Variants in RAD52 observed in about 807,000 individuals in gnomAD.
RAD52 encodes the protein RAD52 DNA repair protein.
A neutral mutation model predicts 55.5 loss-of-function variants in RAD52; 47 were observed. The observed-to-expected ratio is 0.85, with a 90% CI of 0.67 to 1.08. The LOEUF (loss-of-function observed/expected upper bound fraction) is 1.08, where lower values mean the gene tolerates loss of function less well. Ranked by LOEUF, RAD52 falls within the 50% of genes least tolerant of loss-of-function variation. The pLI, the probability that RAD52 is intolerant of heterozygous loss-of-function variation, is 0.00. For synonymous variants in RAD52, 184 were observed against 198.9 expected, an observed-to-expected ratio of 0.92 and a Z score of 0.63; for missense variants, 468 against 522.8, an observed-to-expected ratio of 0.90 and a Z score of 1.02.
Position 931,228 on chromosome 12 carries a change from C to G in RAD52, c.178G>C (p.Gly60Arg). Residue 60 changes from glycine to arginine, a missense_variant, in exon 3 of 12, where the codon GGC becomes CGC. Physicochemically the swap from Gly to Arg is moderately radical, Grantham distance 125. Transcript: ENST00000358495. Reference sequence around the variant, plus strand: ...CACATGAATTCTCCTACCTTCTGGCCTCCGCCAGCCATGCGGCTACTTATG... The same window carrying G: ...CACATGAATTCTCCTACCTTCTGGCGTCCGCCAGCCATGCGGCTACTTATG... Reference protein sequence around the residue: ...EYISSRMAGGGQKVCYIEGHR... With the variant: ...EYISSRMAGGRQKVCYIEGHR... 6.2e-7 allele frequency: 1 copy of G among 1,611,942 alleles called. No homozygotes were observed. The highest frequency in any genetic ancestry group is 8.5e-7 in the Non-Finnish European group (1 of 1,179,444).
chr12:938,761 G>T (rs1957762701), intron 1 of RAD52, among the ~76,000 whole-genome samples: 1 of 152,132 alleles, frequency 6.6e-6, no homozygotes, highest in Non-Finnish European at 1.5e-5. Flanking sequence ...TGAAATTTCG[G>T]ATCAGGGATA....
chr12:927,297 G>A lies in RAD52; in HGVS notation c.349-34C>T, dbSNP rs11571442. ...AGAAAAGGAGTTTGAACTCAAACAC[G>A]AGAGCGGCAGGCGTGCCACAACTCC... is the stretch of plus-strand genomic sequence containing the variant. On this transcript the variant is annotated intron_variant, in intron 5 of 11. Transcript: ENST00000358495. 6.1e-4 allele frequency: 903 copies of A among 1,491,594 alleles called. 4 individuals carry two copies. In the African/African-American group the frequency reaches 0.011, roughly 18 times the overall value. The allele number at this position is 1,491,594 out of a possible 1,614,324, so 92.4% of individuals were successfully genotyped here.
chr12:923,821 G>A (rs1037319761), intron 7 of RAD52, among the ~76,000 whole-genome samples: 3 of 151,882 alleles, frequency 2.0e-5, no homozygotes, highest in Admixed American at 6.6e-5. Context: ...ACTTTCGGAG[G>A]CCGAGGCAGG....
At chr12:951,030 G>C (rs542629354), upstream of RAD52, among the ~76,000 whole-genome samples, 2 of 152,214 alleles carry the variant, frequency 1.3e-5, no homozygotes, top group Admixed American at 1.3e-4. Context: ...GGGATTACAG[G>C]TGTGAGCCAC....
At position 966,645 on chromosome 12, in the gene RAD52, T is replaced by C. The variant is rs1958774672; in HGVS notation, c.-19+23164A>G. Among the ~76,000 whole-genome samples the C allele has an allele frequency of 2.0e-5, 3 of 152,072 alleles. No homozygotes were observed. In the South Asian group the frequency reaches 6.2e-4, roughly 31 times the overall value. On this transcript the variant is annotated intron_variant, in intron 1 of 11. Transcript: ENST00000430095. ...TACATCAACTTTTTCCCTTTTTTCC[T>C]AATTTGCTGTCAGTCATTCTTGATT...
intron 1 of RAD52, among the ~76,000 whole-genome samples, chr12:979,273 C>G (rs1479757733): frequency 2.0e-5 from 3 of 152,114 alleles, no homozygotes; most frequent in Non-Finnish European, 2.9e-5. Context: ...AACCCCGTCT[C>G]TACTAAACAT....
intron 1 of RAD52, among the ~76,000 whole-genome samples, chr12:958,252 G>A (rs2154120498): frequency 6.6e-6 from 1 of 152,268 alleles, no homozygotes; most frequent in African/African-American, 2.4e-5. Context: ...TTTCGCTTTT[G>A]TCGCCCAGGC....
chr12:989,563 AAAAT>A (rs773758343), intron 1 of RAD52, among the ~76,000 whole-genome samples: 27 of 152,230 alleles, frequency 1.8e-4, no homozygotes, highest in Non-Finnish European at 3.4e-4. Context: ...GTGGTGGCAA[AAAAT>A]AAAAAACAAA....
chr12:937,512 A>G (rs953493400), intron 1 of RAD52, among the ~76,000 whole-genome samples: 1 of 150,222 alleles, frequency 6.7e-6, no homozygotes, highest in Non-Finnish European at 1.5e-5. Context: ...TGCAACCTAC[A>G]CCTCCCAGAT....
At chr12:938,721 T>C (rs1957760686) in intron 1 of RAD52, among the ~76,000 whole-genome samples, 1 of 152,106 alleles carries the variant, frequency 6.6e-6, no homozygotes, top group African/African-American at 2.4e-5. Context: ...TTAAGAGGCA[T>C]GACAACTAAA....
At chr12:944,143 A>C (rs1021647196) in intron 1 of RAD52, among the ~76,000 whole-genome samples, 8 of 152,032 alleles carry the variant, frequency 5.3e-5, no homozygotes, top group African/African-American at 1.4e-4. Context: ...TTCAGCCTGG[A>C]AGGTAGAGGC....
chr12:949,963 C>T (rs1020791602), upstream of RAD52, among the ~76,000 whole-genome samples: 1 of 152,190 alleles, frequency 6.6e-6, no homozygotes, highest in Admixed American at 6.5e-5. Context: ...CGGATCTCTG[C>T]TGCCCCCTGG....
chr12:980,196 C>T (rs552783187), intron 1 of RAD52, among the ~76,000 whole-genome samples: 130 of 145,570 alleles, frequency 8.9e-4, no homozygotes, highest in Admixed American at 1.4e-3. Context: ...TCTTGGCCAG[C>T]GGGGGGTGGA....
chr12:948,969 G>A (rs1024920756), intron 1 of RAD52, among the ~76,000 whole-genome samples: 1 of 152,184 alleles, frequency 6.6e-6, no homozygotes, highest in African/African-American at 2.4e-5. Flanking sequence ...AAAGTTCTGG[G>A]ATTACAGGTG....
At chr12:932,904 C>G in intron 2 of RAD52, 71 bp downstream of exon 2, 1 of 1,423,976 alleles carries the variant, frequency 7.0e-7, no homozygotes, top group South Asian at 1.2e-5. Flanking sequence ...CTACGATGCT[C>G]TACAAACTGC....
At chr12:985,990 A>C (rs1052431538) in intron 1 of RAD52, among the ~76,000 whole-genome samples, 10 of 138,042 alleles carry the variant, frequency 7.2e-5, no homozygotes, top group African/African-American at 2.8e-4. Context: ...GATGGAGTGC[A>C]ATGGCGCAAT....
At chr12:975,149 A>C (rs1291944730) in intron 1 of RAD52, 1 of 151,724 alleles carries the variant, frequency 6.6e-6, no homozygotes, top group African/African-American at 2.4e-5. Context: ...TGTATAGGAA[A>C]AACATAATAT....
chr12:970,622 G>A (rs921185469), intron 1 of RAD52, among the ~76,000 whole-genome samples: 3 of 152,278 alleles, frequency 2.0e-5, no homozygotes, highest in African/African-American at 7.2e-5. Context: ...CAACTGCAAA[G>A]AACAGTAAGA....
chr12:979,383 G>T (rs1183089467), intron 1 of RAD52, among the ~76,000 whole-genome samples: 3 of 151,998 alleles, frequency 2.0e-5, no homozygotes, highest in African/African-American at 7.3e-5. Context: ...GGAGGTTGCA[G>T]TGAGCCAAAA....
Sources: allele counts gnomAD v4.1 joint callset (sites outside exome capture counted in the v4.1 genomes callset), GRCh38; gene constraint gnomAD v4.1.1; transcripts MANE v1.5; gene names NCBI Gene and HGNC (gene_info 2026-07-23, HGNC 2026-07-21).